The following BTBD3 variants were observed in gnomAD, a reference collection of about 807,000 sequenced individuals.
The protein encoded by BTBD3 is BTB domain containing 3.
A neutral mutation model predicts 41.6 loss-of-function variants in BTBD3; 14 were observed. That is an observed-to-expected ratio of 0.34 (90% CI 0.22 to 0.53). The LOEUF (loss-of-function observed/expected upper bound fraction) is 0.53, where lower values mean the gene tolerates loss of function less well. BTBD3 is among the 20% of genes least tolerant of loss of function. The pLI is 0.95. For synonymous variants in BTBD3, 249 were observed against 233.7 expected (o/e 1.07, Z -0.60); for missense variants, 426 against 654.7 (o/e 0.65, Z 3.81).
intron 1 of BTBD3, among the ~76,000 whole-genome samples, chr20:11,896,467 G>A (rs370747344): frequency 1.7e-4 from 26 of 152,090 alleles, no homozygotes; most frequent in African/African-American, 6.3e-4. Flanking sequence ...GTTCTGTGGC[G>A]GTTTGCACTA....
intron 1 of BTBD3, among the ~76,000 whole-genome samples, chr20:11,897,249 C>T (rs372592882): frequency 6.6e-6 from 1 of 152,096 alleles, no homozygotes; most frequent in Non-Finnish European, 1.5e-5. Context: ...TATATTTCCA[C>T]CTCAGACATC....
Position 11,923,429 on chromosome 20 carries a change from A to G in BTBD3, c.1332A>G (p.Ser444=), listed in dbSNP as rs748419980. 6 of 1,614,096 alleles carry G rather than the reference A, an allele frequency of 3.7e-6. No homozygotes were observed. The highest frequency in any genetic ancestry group is 3.3e-4 in the Middle Eastern group (2 of 6,084). The change falls in exon 4 of 4, where the codon TCA becomes TCG. Residue 444 remains serine (S), a synonymous_variant. Transcript: ENST00000378226. The surrounding 1 kb of genome is among the most constrained non-coding windows in gnomAD (Gnocchi z 5.3). The part of the protein sequence containing the change: ...VLGQNLSKYF[S]DGSSNTFPVW... ...GGCAGAACTTGAGCAAGTACTTCTC[A>G]GATGGGTCCAGCAATACCTTTCCCG...
chr20:11,904,530 A>C (rs2056842251), intron 1 of BTBD3, among the ~76,000 whole-genome samples: 1 of 152,152 alleles, frequency 6.6e-6, no homozygotes, highest in Non-Finnish European at 1.5e-5. Context: ...CAAACTTCTT[A>C]TGAAGCTGGG....
chr20:11,919,149 T>A lies in BTBD3; in HGVS notation c.390T>A (p.Gly130=). The A allele has an allele frequency of 6.2e-7, 1 of 1,613,822 alleles. No homozygotes were observed. Among genetic ancestry groups the A allele is most frequent in the Non-Finnish European group, 8.5e-7 (1 of 1,179,810 alleles). ...ADVHFVVGPP[G]GTQRLPGHKY... Reference sequence around the variant, plus strand: ...TACATTTTGTGGTTGGGCCACCAGGTGGGACTCAACGGTTGCCAGGACACA... The same window carrying A: ...TACATTTTGTGGTTGGGCCACCAGGAGGGACTCAACGGTTGCCAGGACACA... Residue 130 remains glycine (G), a synonymous_variant, in exon 2 of 4, where the codon GGT becomes GGA. Coordinates refer to ENST00000378226, the MANE Select transcript of BTBD3 (RefSeq NM_014962.4).
At chr20:11,920,670 A>G (rs1223192479) in intron 3 of BTBD3, among the ~76,000 whole-genome samples, 2 of 152,206 alleles carry the variant, frequency 1.3e-5, no homozygotes, top group East Asian at 1.9e-4. Context: ...TAGTATTTAT[A>G]TGATTTTTCC....
rs536047498 is a variant in BTBD3 at position 11,898,792 on chromosome 20, G to C, written c.-126+7838G>C. Among the ~76,000 whole-genome samples the C allele has an allele frequency of 3.3e-5, 5 of 152,250 alleles. 1 individual carries two copies. In the South Asian group the frequency reaches 1.0e-3, roughly 32 times the overall value. On this transcript the variant is annotated intron_variant, in intron 1 of 4. Coordinates refer to the BTBD3 transcript ENST00000254977. ...TCAAGAACATTTATAGTTTATAATG[G>C]AGATAATAATACAGAGAGTGGTTAT...
At position 11,922,730 on chromosome 20, in the gene BTBD3, C is replaced by T; in HGVS notation, c.633C>T (p.Ala211=). Reference sequence around the variant, plus strand: ...ACATTGTCCCTCACCTTGCCAGAGCCTGTGTTAATTTCCTGGAGACCAGCC... The same window carrying T: ...ACATTGTCCCTCACCTTGCCAGAGCTTGTGTTAATTTCCTGGAGACCAGCC... ...KKYIVPHLAR[A]CVNFLETSLS... The change falls in exon 4 of 4, where the codon GCC becomes GCT. Residue 211 remains alanine, a synonymous_variant. Coordinates refer to ENST00000378226, the MANE Select transcript of BTBD3 (RefSeq NM_014962.4). 3.7e-6 allele frequency: 6 copies of T among 1,614,204 alleles called. No individual in the cohort carries two copies. Among genetic ancestry groups the T allele is most frequent in the Non-Finnish European group, 5.1e-6 (6 of 1,180,028 alleles).
chr20:11,901,594 G>A (rs1167200601), intron 1 of BTBD3, among the ~76,000 whole-genome samples: 2 of 152,244 alleles, frequency 1.3e-5, no homozygotes, highest in Admixed American at 1.3e-4. Flanking sequence ...AAGTATTTCT[G>A]TGGGATCAGC....
At chr20:11,903,644 G>C (rs1305420819) in intron 1 of BTBD3, among the ~76,000 whole-genome samples, 1 of 151,620 alleles carries the variant, frequency 6.6e-6, no homozygotes, top group African/African-American at 2.4e-5. Flanking sequence ...TTTCGCTCTT[G>C]TTGCCCAGGC....
At chr20:11,910,214 T>C (rs1281459040) in intron 1 of BTBD3, 2 of 142,764 alleles carry the variant, frequency 1.4e-5, no homozygotes, top group Non-Finnish European at 3.1e-5. Context: ...GTGACTATCT[T>C]TCGAATATCA....
intron 1 of BTBD3, among the ~76,000 whole-genome samples, chr20:11,904,105 C>G (rs1183637252): frequency 6.6e-6 from 1 of 152,114 alleles, no homozygotes; most frequent in African/African-American, 2.4e-5. Flanking sequence ...TTGTTAATAG[C>G]TGTATGAGTC....
At chr20:11,920,539 G>A (rs955350626) in intron 3 of BTBD3, among the ~76,000 whole-genome samples, 5 of 152,184 alleles carry the variant, frequency 3.3e-5, no homozygotes, top group Admixed American at 2.6e-4. Flanking sequence ...TTTCTGTCTG[G>A]TGGGTCTTCT....
chr20:11,907,376 A>G (rs573988858), intron 1 of BTBD3, among the ~76,000 whole-genome samples: 1 of 152,212 alleles, frequency 6.6e-6, no homozygotes, highest in Non-Finnish European at 1.5e-5. Context: ...ATCTCAGTCA[A>G]CTAGAAACAC....
At chr20:11,892,862 T>C (rs1025235402) in intron 1 of BTBD3, among the ~76,000 whole-genome samples, 14 of 152,220 alleles carry the variant, frequency 9.2e-5, no homozygotes, top group Non-Finnish European at 2.1e-4. Context: ...GGAAAAACTT[T>C]TGATAATTTG....
At position 11,919,849 on chromosome 20, in the gene BTBD3, C is replaced by T. The variant is rs772388000; in HGVS notation, c.536+13C>T. The T allele has an allele frequency of 1.6e-5, 26 of 1,603,562 alleles. No individual in the cohort carries two copies. The highest frequency in any genetic ancestry group is 8.3e-5 in the Admixed American group (5 of 59,988). On this transcript the variant is annotated intron_variant, in intron 3 of 3. Transcript: ENST00000378226. ...TCGCTATGCTGAAGTAAGCATCATTCGTGTGTTTGGAAAGAGTTTGTTTAT... is the reference window on the plus strand; with the variant it reads ...TCGCTATGCTGAAGTAAGCATCATTTGTGTGTTTGGAAAGAGTTTGTTTAT...
At chr20:11,905,558 G>T (rs949487346) in intron 1 of BTBD3, among the ~76,000 whole-genome samples, 1 of 152,160 alleles carries the variant, frequency 6.6e-6, no homozygotes, top group African/African-American at 2.4e-5. Flanking sequence ...ACTTAGCCAG[G>T]CCGTTTTACC....
Position 11,919,794 on chromosome 20 carries a change from G to A in BTBD3, c.494G>A (p.Arg165His), listed in dbSNP as rs141676257. Reference sequence around the variant, plus strand: ...CTTGCAGAGGACAAAGATGAAATCCGTATACCAGATGTCGAACCTGCTGCT... The same window carrying A: ...CTTGCAGAGGACAAAGATGAAATCCATATACCAGATGTCGAACCTGCTGCT... ...GELAEDKDEI[R>H]IPDVEPAAFL... Residue 165 changes from arginine (R) to histidine (H), a missense_variant, in exon 3 of 4, where the codon CGT (arginine) becomes CAT (histidine). This residue lies in a region of BTBD3 where 321 missense variants were observed against 534.8 expected (regional missense o/e 0.60). Coordinates refer to ENST00000378226, the MANE Select transcript of BTBD3 (RefSeq NM_014962.4). The A allele has an allele frequency of 4.6e-3, 7,400 of 1,614,094 alleles. 30 individuals carry two copies. The highest frequency in any genetic ancestry group is 4.9e-3 in the South Asian group (449 of 91,070).
intron 3 of BTBD3, 62 bp downstream of exon 3, chr20:11,919,898 T>C: frequency 7.1e-7 from 1 of 1,407,272 alleles, no homozygotes; most frequent in Non-Finnish European, 1.0e-6. Flanking sequence ...CCTGCTGGTT[T>C]CACAGTTAAA....
In BTBD3 at chr20:11,924,693, A is replaced by G. The variant is rs957709601; in HGVS notation, c.*1027A>G. ...TTGTAGCACTACATTTAATGTAATG[A>G]GATACCTTTGTTCATTTTTTTAAAT... On this transcript the variant is annotated 3_prime_UTR_variant, in exon 4 of 4. Coordinates refer to ENST00000378226, the MANE Select transcript of BTBD3 (RefSeq NM_014962.4). 1.3e-5 allele frequency: 2 copies of G among 152,668 alleles called. No homozygotes were observed. Among genetic ancestry groups the G allele is most frequent in the Admixed American group, 6.5e-5 (1 of 15,286 alleles). The allele number at this position is 152,668 out of a possible 1,614,324, so 9.5% of individuals were successfully genotyped here.
Sources: gnomAD v4.1 joint callset for allele counts (sites outside exome capture counted in the v4.1 genomes callset) on GRCh38, gnomAD v4.1.1 for gene constraint, gnomAD v4.1.1 regional missense constraint, Gnocchi (gnomAD v3.1) non-coding constraint, MANE v1.5 for transcripts, NCBI Gene and HGNC (gene_info 2026-07-23, HGNC 2026-07-21) for gene names.